The following TASP1 variants were observed in gnomAD, a reference collection of about 807,000 sequenced individuals.
TASP1 encodes the protein threonine aspartase 1.
A neutral mutation model predicts 56.6 loss-of-function variants in TASP1; 16 were observed. The observed-to-expected ratio is 0.28, with a 90% CI of 0.19 to 0.43. TASP1 has a LOEUF of 0.43. Among genes scored for constraint, TASP1 ranks in the 20% least tolerant of loss-of-function variants. The probability of loss-of-function intolerance (pLI) is 1.00; values close to 1 mark genes in which losing one functional copy is unlikely to be tolerated. For missense variants in TASP1, 393 were observed against 511.6 expected (o/e 0.77, Z 2.24); for synonymous variants, 179 against 184.2 (o/e 0.97, Z 0.23).
chr20:13,440,623 T>C (rs1434473164), intron 11 of TASP1, among the ~76,000 whole-genome samples: 2 of 151,494 alleles, frequency 1.3e-5, no homozygotes, highest in Non-Finnish European at 2.9e-5. Flanking sequence ...CAGTATACTA[T>C]GTAGTTAGGA....
the TASP1 span, among the ~76,000 whole-genome samples, chr20:13,356,851 T>G: frequency 1.3e-5 from 2 of 152,178 alleles, no homozygotes; most frequent in African/African-American, 2.4e-5. Flanking sequence ...TGGCAGTAAG[T>G]AATAAACCCA....
At chr20:13,370,482 G>A in the TASP1 span, among the ~76,000 whole-genome samples, 1 of 151,954 alleles carries the variant, frequency 6.6e-6, no homozygotes. Context: ...TTTTGAAGTG[G>A]CATTATTTTA....
chr20:13,430,000 G>A (rs2042751465), intron 12 of TASP1, among the ~76,000 whole-genome samples: 1 of 152,098 alleles, frequency 6.6e-6, no homozygotes, highest in Non-Finnish European at 1.5e-5. Flanking sequence ...ACGGGACTGA[G>A]GGGACAAATA....
intron 10 of TASP1, among the ~76,000 whole-genome samples, chr20:13,522,917 A>G (rs185081044): frequency 3.9e-5 from 6 of 152,278 alleles, no homozygotes; most frequent in African/African-American, 1.4e-4. Flanking sequence ...GGTCCCTGGA[A>G]GTCTATTAAG....
chr20:13,342,803 G>A, the TASP1 span, among the ~76,000 whole-genome samples: 2 of 152,176 alleles, frequency 1.3e-5, no homozygotes, highest in African/African-American at 2.4e-5. Context: ...TTAAGGAGGG[G>A]TCACACACAC....
At chr20:13,306,108 G>A in the TASP1 span, among the ~76,000 whole-genome samples, 1 of 152,118 alleles carries the variant, frequency 6.6e-6, no homozygotes, top group Non-Finnish European at 1.5e-5. Context: ...GCACAGAAAA[G>A]CCTTTCATTC....
intron 8 of TASP1, among the ~76,000 whole-genome samples, chr20:13,548,067 T>C (rs1432365831): frequency 6.6e-6 from 1 of 152,060 alleles, no homozygotes; most frequent in African/African-American, 2.4e-5. Context: ...ACAGGAAGAA[T>C]CTTGACAATG....
At chr20:13,364,473 G>A in the TASP1 span, among the ~76,000 whole-genome samples, 24,098 of 152,046 alleles carry the variant, frequency 0.16, 2,063 homozygotes, top group Admixed American at 0.22. Context: ...CATGGCAGGA[G>A]TGGCAGAGGC....
chr20:13,611,080 G>C (rs971530195), intron 4 of TASP1, among the ~76,000 whole-genome samples: 2 of 152,156 alleles, frequency 1.3e-5, no homozygotes, highest in Non-Finnish European at 2.9e-5. Context: ...ATGGTAAATA[G>C]ACATAGAAAC....
At chr20:13,542,271 A>G (rs2146953258) in intron 8 of TASP1, among the ~76,000 whole-genome samples, 1 of 152,300 alleles carries the variant, frequency 6.6e-6, no homozygotes, top group East Asian at 1.9e-4. Context: ...TAAGACAGAA[A>G]GCATTAATAG....
At chr20:13,348,276 T>A in the TASP1 span, among the ~76,000 whole-genome samples, 1 of 152,330 alleles carries the variant, frequency 6.6e-6, no homozygotes, top group Non-Finnish European at 1.5e-5. Context: ...GTTGCTTTAC[T>A]AAAAAGGAAA....
chr20:13,268,051 C>G, the TASP1 span, among the ~76,000 whole-genome samples: 1 of 152,160 alleles, frequency 6.6e-6, no homozygotes. Flanking sequence ...AGCTATCTCC[C>G]CTTTGGGATG....
At chr20:13,211,773 G>A in the TASP1 span, among the ~76,000 whole-genome samples, 1 of 152,258 alleles carries the variant, frequency 6.6e-6, no homozygotes, top group Admixed American at 6.5e-5. Context: ...AAATAAAATA[G>A]TATGTCAAGT....
chr20:13,438,883 C>T (rs1384799694), intron 11 of TASP1, among the ~76,000 whole-genome samples: 2 of 152,146 alleles, frequency 1.3e-5, no homozygotes, highest in Non-Finnish European at 2.9e-5. Context: ...GACATTTATG[C>T]AGCCAAAAGA....
the TASP1 span, among the ~76,000 whole-genome samples, chr20:13,305,786 C>T: frequency 6.6e-6 from 1 of 152,312 alleles, no homozygotes; most frequent in Admixed American, 6.5e-5. Context: ...ATGAGACTAG[C>T]AATTCTTGGT....
the TASP1 span, among the ~76,000 whole-genome samples, chr20:13,292,787 C>T: frequency 0.012 from 1,820 of 152,266 alleles, 36 homozygotes; most frequent in African/African-American, 0.041. Context: ...CTTACTCAGC[C>T]TTCATTGAGC....
At chr20:13,276,552 T>C in the TASP1 span, among the ~76,000 whole-genome samples, 1 of 152,216 alleles carries the variant, frequency 6.6e-6, no homozygotes, top group African/African-American at 2.4e-5. Flanking sequence ...GAGTTCCCTT[T>C]CTTTTATCAT....
At chr20:13,497,036 A>G (rs1337005596) in intron 10 of TASP1, among the ~76,000 whole-genome samples, 5 of 152,202 alleles carry the variant, frequency 3.3e-5, no homozygotes, top group African/African-American at 1.2e-4. Context: ...ACCATGATGC[A>G]TCAGAATCAA....
At chr20:13,448,635 CA>C (rs1368008126) in intron 11 of TASP1, among the ~76,000 whole-genome samples, 2 of 152,006 alleles carry the variant, frequency 1.3e-5, no homozygotes, top group African/African-American at 4.8e-5. Context: ...ATAAAATACG[CA>C]AGTAGACTTG....
Sources: allele counts gnomAD v4.1 joint callset (sites outside exome capture counted in the v4.1 genomes callset), GRCh38; gene constraint gnomAD v4.1.1; transcripts MANE v1.5; gene names NCBI Gene and HGNC (gene_info 2026-07-23, HGNC 2026-07-21).